The following SLX4IP variants were observed in gnomAD, a reference collection of about 807,000 sequenced individuals.
SLX4IP encodes protein SLX4IP.
A neutral mutation model predicts 32.9 loss-of-function variants in SLX4IP; 34 were observed. That is an observed-to-expected ratio of 1.03 (90% CI 0.79 to 1.38). SLX4IP has a LOEUF of 1.38. SLX4IP is among the 40% of genes most tolerant of loss of function. The pLI, the probability that SLX4IP is intolerant of heterozygous loss-of-function variation, is 0.00. For synonymous variants in SLX4IP, 172 were observed against 171.7 expected (o/e 1.00, Z -0.01); for missense variants, 444 against 479.0 (o/e 0.93, Z 0.68).
rs796694503 is a variant in SLX4IP, at chr20:10,574,826, C to T, written c.238+14006C>T. ...TAGCTGGGATTACAGGCACGTGCCA[C>T]CACGCCCAGCTAATTTTTGTATTTT... On this transcript the variant is annotated intron_variant, in intron 4 of 7. Coordinates refer to ENST00000334534, the MANE Select transcript of SLX4IP (RefSeq NM_001009608.3). 2.6e-5 allele frequency among the ~76,000 whole-genome samples: 4 copies of T among 152,076 alleles called. No individual in the cohort carries two copies. The South Asian group carries it at 8.3e-4, about 32-fold the overall frequency.
intron 2 of SLX4IP, among the ~76,000 whole-genome samples, chr20:10,471,340 C>T (rs1207484579): frequency 6.6e-6 from 1 of 152,206 alleles, no homozygotes; most frequent in Non-Finnish European, 1.5e-5. Context: ...GATTGCCCAT[C>T]CCTAACCTCA....
chr20:10,436,804 C>T (rs2122308269), intron 1 of SLX4IP, among the ~76,000 whole-genome samples: 1 of 152,208 alleles, frequency 6.6e-6, no homozygotes, highest in East Asian at 1.9e-4. Context: ...ATTTAGCTTT[C>T]CAAAAAGTTG....
At chr20:10,592,707 T>C (rs1413866602) in intron 4 of SLX4IP, among the ~76,000 whole-genome samples, 1 of 128,624 alleles carries the variant, frequency 7.8e-6, no homozygotes, top group Non-Finnish European at 1.6e-5. Context: ...TGATCTCGGC[T>C]CACTGCAACC....
chr20:10,560,606 A>G, intron 3 of SLX4IP, 94 bp from the exon 4 acceptor site: 1 of 982,310 alleles, frequency 1.0e-6, no homozygotes, highest in Non-Finnish European at 1.4e-6. Context: ...AAAAAGCAAA[A>G]TGAAATGAAA....
At chr20:10,486,184 ATTTT>A (rs34444606) in intron 2 of SLX4IP, among the ~76,000 whole-genome samples, 7 of 145,050 alleles carry the variant, frequency 4.8e-5, no homozygotes, top group African/African-American at 1.8e-4. Flanking sequence ...CCTTGCTTAA[ATTTT>A]TTTTTTTTTT....
At chr20:10,452,271 G>T (rs1056974543) in intron 1 of SLX4IP, among the ~76,000 whole-genome samples, 3 of 149,992 alleles carry the variant, frequency 2.0e-5, no homozygotes, top group African/African-American at 7.4e-5. Context: ...TGGCTCCCAC[G>T]TATAATCCCA....
At chr20:10,461,453 G>A (rs936517305) in intron 2 of SLX4IP, among the ~76,000 whole-genome samples, 4 of 152,212 alleles carry the variant, frequency 2.6e-5, no homozygotes, top group Admixed American at 2.0e-4. Context: ...CTGACACATC[G>A]TATTGAAGGC....
At chr20:10,489,011 C>T (rs747355880) in intron 2 of SLX4IP, among the ~76,000 whole-genome samples, 1 of 152,096 alleles carries the variant, frequency 6.6e-6, no homozygotes, top group Non-Finnish European at 1.5e-5. Flanking sequence ...TTTTCCTTCC[C>T]TAGATTTGTA....
At chr20:10,556,177 T>C in intron 2 of SLX4IP, 54 bp from the exon 3 acceptor site, 1 of 1,520,912 alleles carries the variant, frequency 6.6e-7, no homozygotes, top group Non-Finnish European at 9.0e-7. Context: ...TTTCTCTCAT[T>C]GTTTGCTGGG....
intron 2 of SLX4IP, among the ~76,000 whole-genome samples, chr20:10,547,593 G>C (rs932382885): frequency 2.6e-5 from 4 of 152,200 alleles, no homozygotes; most frequent in African/African-American, 9.7e-5. Flanking sequence ...ATCTTGTTCT[G>C]CCTGATTGAC....
At chr20:10,459,500 T>G (rs1333959336) in intron 2 of SLX4IP, among the ~76,000 whole-genome samples, 1 of 152,258 alleles carries the variant, frequency 6.6e-6, no homozygotes, top group African/African-American at 2.4e-5. Flanking sequence ...CATATGGTTA[T>G]GAGGCGTTCC....
Position 10,627,939 on chromosome 20 carries a change from A to G in SLX4IP, c.*4560A>G. The G allele has an allele frequency of 6.6e-6, 1 of 150,872 alleles. No homozygotes were observed. Among genetic ancestry groups the G allele is most frequent in the Admixed American group, 6.5e-5 (1 of 15,274 alleles). The allele number at this position is 150,872 out of a possible 1,614,324, so 9.3% of individuals were successfully genotyped here. A position where few individuals can be genotyped will look rare whatever the true frequency, so the allele number is the denominator to read the frequency against. Reference sequence around the variant, plus strand: ...ATTTGTTTTGTTATAAACTGTTTAAATAGTTCAAATGGTTGTGCATGCCTA... The same window carrying G: ...ATTTGTTTTGTTATAAACTGTTTAAGTAGTTCAAATGGTTGTGCATGCCTA... On this transcript the variant is annotated 3_prime_UTR_variant, in exon 8 of 8. Transcript: ENST00000334534.
intron 2 of SLX4IP, among the ~76,000 whole-genome samples, chr20:10,518,404 T>TTTCCTTCCTTCC (rs1555811084): frequency 2.5e-4 from 23 of 92,468 alleles, no homozygotes; most frequent in African/African-American, 5.5e-4. Flanking sequence ...TCTTTCTTTC[T>TTTCCTTCCTTCC]TTCCTTCCTT....
At chr20:10,614,093 T>C (rs2066999375) in intron 6 of SLX4IP, 2 of 1,535,448 alleles carry the variant, frequency 1.3e-6, no homozygotes, top group Non-Finnish European at 1.8e-6. Context: ...GGTCCAGGTG[T>C]ACCTGCAGGG....
intron 1 of SLX4IP, among the ~76,000 whole-genome samples, chr20:10,446,024 G>T (rs1384145808): frequency 1.3e-5 from 2 of 149,036 alleles, no homozygotes; most frequent in Non-Finnish European, 3.0e-5. Context: ...CTCTGCCTGA[G>T]TAATATGCCA....
At chr20:10,547,209 A>G (rs1265443120) in intron 2 of SLX4IP, among the ~76,000 whole-genome samples, 1 of 151,926 alleles carries the variant, frequency 6.6e-6, no homozygotes, top group Admixed American at 6.6e-5. Flanking sequence ...CTCTTATTTG[A>G]TTTTCTCCTC....
intron 2 of SLX4IP, among the ~76,000 whole-genome samples, chr20:10,548,687 C>T (rs556727997): frequency 6.6e-6 from 1 of 152,312 alleles, no homozygotes; most frequent in East Asian, 1.9e-4. Context: ...TCATGATCAC[C>T]AGCGATCTCC....
At chr20:10,574,696 A>T (rs2034020482) in intron 4 of SLX4IP, among the ~76,000 whole-genome samples, 1 of 151,850 alleles carries the variant, frequency 6.6e-6, no homozygotes, top group African/African-American at 2.4e-5. Context: ...TTTTTTTCTG[A>T]GATGGAGTTT....
In SLX4IP at chr20:10,510,243, C is replaced by T. The variant is rs1276009356; in HGVS notation, c.28-45988C>T. ...TGGTGAAGGGAAAGAGGCTGTGTGC[C>T]GTCCATGCACTGGATACTACATCTG... On this transcript the variant is annotated intron_variant, in intron 2 of 7. Coordinates refer to ENST00000334534, the MANE Select transcript of SLX4IP (RefSeq NM_001009608.3). Among the ~76,000 whole-genome samples, 3 of 151,890 alleles carry T rather than the reference C, an allele frequency of 2.0e-5. No individual in the cohort carries two copies. The East Asian group carries it at 5.8e-4, about 29-fold the overall frequency.
Sources: gnomAD v4.1 joint callset for allele counts (sites outside exome capture counted in the v4.1 genomes callset) on GRCh38, gnomAD v4.1.1 for gene constraint, MANE v1.5 for transcripts, NCBI Gene and HGNC (gene_info 2026-07-23, HGNC 2026-07-21) for gene names.